RCOR1: variants seen among roughly 807,000 people sequenced by gnomAD.
RCOR1 encodes REST corepressor 1.
A neutral mutation model predicts 64.0 loss-of-function variants in RCOR1; 12 were observed. The ratio of observed to expected loss-of-function variants is 0.19; its 90% CI spans 0.12 to 0.30. RCOR1 has a LOEUF of 0.30. Ranked by LOEUF, RCOR1 falls within the 10% of genes least tolerant of loss-of-function variation. RCOR1 has a pLI of 1.00. For missense variants in RCOR1, 502 were observed against 621.2 expected, an observed-to-expected ratio of 0.81 and a Z score of 2.04; for synonymous variants, 279 against 227.2, an observed-to-expected ratio of 1.23 and a Z score of -2.05.
At chr14:102,611,600 G>T (rs1248653760) in intron 2 of RCOR1, among the ~76,000 whole-genome samples, 1 of 152,134 alleles carries the variant, frequency 6.6e-6, no homozygotes, top group Admixed American at 6.6e-5. Context: ...CTGAGATGTG[G>T]TTAAAATACT....
At chr14:102,695,777 C>T (rs1392846741) in intron 3 of RCOR1, among the ~76,000 whole-genome samples, 1 of 150,648 alleles carries the variant, frequency 6.6e-6, no homozygotes, top group Admixed American at 6.6e-5. Flanking sequence ...TTTCGAACTC[C>T]TGACCTTGTG....
chr14:102,635,555 C>A (rs995967412), intron 2 of RCOR1, among the ~76,000 whole-genome samples: 3 of 151,976 alleles, frequency 2.0e-5, no homozygotes, highest in African/African-American at 7.3e-5. Flanking sequence ...TATACATATA[C>A]AGAAATGAGC....
rs980463996 is a variant in RCOR1, at chr14:102,727,532, G to A, written c.*1026G>A. The stretch of plus-strand genomic sequence containing the variant: ...ATGTCAGGATATTAGAATAGCTGGC[G>A]CTGGTTTATGAAAGCTGCGCGTTGT... On this transcript the variant is annotated 3_prime_UTR_variant, in exon 12 of 12. Transcript: ENST00000262241. 4.6e-5 allele frequency: 7 copies of A among 152,376 alleles called. No individual in the cohort carries two copies. The highest frequency in any genetic ancestry group is 1.3e-4 in the Admixed American group (2 of 15,246). 9.4% of individuals were successfully genotyped at this position (152,376 alleles called of 1,614,324 possible).
intron 2 of RCOR1, among the ~76,000 whole-genome samples, chr14:102,624,249 A>G (rs1595199511): frequency 6.6e-6 from 1 of 152,000 alleles, no homozygotes; most frequent in Admixed American, 6.6e-5. Flanking sequence ...CACGGCTGTA[A>G]TCCCAGCACT....
intron 2 of RCOR1, among the ~76,000 whole-genome samples, chr14:102,605,719 A>C (rs759994507): frequency 6.6e-6 from 1 of 152,214 alleles, no homozygotes; most frequent in Non-Finnish European, 1.5e-5. Context: ...TACTTATAAA[A>C]ATTATCAGTT....
At chr14:102,657,873 G>C in intron 2 of RCOR1, 1 of 983,208 alleles carries the variant, frequency 1.0e-6, no homozygotes, top group Non-Finnish European at 1.2e-6. Flanking sequence ...ATTGAATTAA[G>C]GGCAAACTTG....
At chr14:102,600,925 C>G (rs1368222450) in intron 2 of RCOR1, among the ~76,000 whole-genome samples, 1 of 150,256 alleles carries the variant, frequency 6.7e-6, no homozygotes, top group East Asian at 2.1e-4. Flanking sequence ...CATGGTGGCT[C>G]ACACCTGTAA....
At chr14:102,690,032 C>T (rs7152482) in intron 3 of RCOR1, among the ~76,000 whole-genome samples, 4,074 of 151,284 alleles carry the variant, frequency 0.027, 81 homozygotes, top group African/African-American at 0.06. Flanking sequence ...CGTGAGTCAC[C>T]GCGCCCGGCC....
intron 2 of RCOR1, among the ~76,000 whole-genome samples, chr14:102,675,164 GTATTTA>G (rs1157719489): frequency 6.7e-6 from 1 of 149,260 alleles, no homozygotes; most frequent in Non-Finnish European, 1.5e-5. Context: ...TATTTTCATT[GTATTTA>G]TATTTTTTGA....
intron 2 of RCOR1, among the ~76,000 whole-genome samples, chr14:102,680,781 C>T (rs984042702): frequency 3.9e-5 from 6 of 152,078 alleles, no homozygotes; most frequent in South Asian, 2.1e-4. Context: ...CTCCAGCCTG[C>T]GTGACTGAGT....
At chr14:102,653,442 C>A (rs1894634084) in intron 2 of RCOR1, among the ~76,000 whole-genome samples, 1 of 152,164 alleles carries the variant, frequency 6.6e-6, no homozygotes, top group African/African-American at 2.4e-5. Flanking sequence ...CTGGCCTCGG[C>A]TTCCCAAAGC....
At chr14:102,683,755 C>G (rs574093337) in intron 3 of RCOR1, among the ~76,000 whole-genome samples, 1 of 152,236 alleles carries the variant, frequency 6.6e-6, no homozygotes, top group East Asian at 1.9e-4. Flanking sequence ...TGATCTCCGC[C>G]CTCGGGCCCA....
chr14:102,620,391 A>G (rs1315249329), intron 2 of RCOR1, among the ~76,000 whole-genome samples: 4 of 152,162 alleles, frequency 2.6e-5, no homozygotes, highest in Middle Eastern at 3.2e-3. Context: ...AACATGGAGA[A>G]ACCCCATCTC....
chr14:102,687,368 C>A (rs1895442693), intron 3 of RCOR1, among the ~76,000 whole-genome samples: 1 of 152,230 alleles, frequency 6.6e-6, no homozygotes, highest in Non-Finnish European at 1.5e-5. Context: ...ACAATATTTA[C>A]CACACCTGTC....
rs1595236061 is a variant in RCOR1 at position 102,698,897 on chromosome 14, C to T, written c.446-2381C>T. On this transcript the variant is annotated intron_variant, in intron 3 of 11. Coordinates refer to ENST00000262241, the MANE Select transcript of RCOR1 (RefSeq NM_015156.4). ...GTATTGTGAAGGAAAAAGCAAGGGA[C>T]ACACTTTGGAGTAATTCCCTGCCCT... 1.3e-5 allele frequency among the ~76,000 whole-genome samples: 2 copies of T among 151,436 alleles called. 1 individual carries two copies. Among genetic ancestry groups the T allele is most frequent in the South Asian group, 4.2e-4 (2 of 4,802 alleles).
chr14:102,708,623 ACTAT>A (rs1365653893), intron 6 of RCOR1, 40 bp downstream of exon 6: 2 of 1,120,538 alleles, frequency 1.8e-6, no homozygotes, highest in Admixed American at 1.8e-5. Context: ...CACTTAGGGG[ACTAT>A]CTAAGAGCCC....
intron 10 of RCOR1, 174 bp downstream of exon 10, chr14:102,721,551 TA>T (rs200770605): frequency 0.028 from 9,140 of 325,178 alleles, 1 homozygote; most frequent in East Asian, 0.039. Context: ...ACCCTGACTT[TA>T]AAAAAAAAAA....
chr14:102,722,136 A>T (rs751236007), intron 10 of RCOR1, 51 bp from the exon 11 acceptor site: 6 of 1,436,034 alleles, frequency 4.2e-6, no homozygotes, highest in South Asian at 2.4e-5. Context: ...TTGTGGTTTT[A>T]AAAAAATGTT....
Position 102,592,834 on chromosome 14 carries a change from CTCCTCAGGAGCCGCG to C in RCOR1, c.-52_-38del. 8.5e-7 allele frequency: 1 copy of C among 1,176,312 alleles called. No homozygotes were observed. Among genetic ancestry groups the C allele is most frequent in the Non-Finnish European group, 1.0e-6 (1 of 953,716 alleles). The allele number at this position is 1,176,312 out of a possible 1,614,324, so 72.9% of individuals were successfully genotyped here. On this transcript the variant is annotated 5_prime_UTR_variant, in exon 1 of 12. Transcript: ENST00000262241. ...GCCCCCTCCCCCGTCTCGGCGCCCC[CTCCTCAGGAGCCGCG>C]GGTCCCCGCCACTTTCGCACGGCCC...
Sources: allele counts gnomAD v4.1 joint callset (sites outside exome capture counted in the v4.1 genomes callset), GRCh38; gene constraint gnomAD v4.1.1; transcripts MANE v1.5; gene names NCBI Gene and HGNC (gene_info 2026-07-23, HGNC 2026-07-21).